The following DRC9 variants were observed in gnomAD, a reference collection of about 807,000 sequenced individuals.
DRC9 encodes dynein regulatory complex protein 9.
the DRC9 span, among the ~76,000 whole-genome samples, chr3:197,939,430 C>G: frequency 6.6e-6 from 1 of 152,102 alleles, no homozygotes; most frequent in Non-Finnish European, 1.5e-5. Context: ...ATTAAGGGAC[C>G]GCAGGAACGG....
chr3:197,950,267 G>A, the DRC9 span: 1 of 1,230,438 alleles, frequency 8.1e-7, no homozygotes, highest in Non-Finnish European at 1.0e-6. Context: ...AATAACCGGA[G>A]TAGGTTTGTT....
the DRC9 span, among the ~76,000 whole-genome samples, chr3:197,947,928 CT>C: frequency 0.027 from 2,573 of 96,788 alleles, 6 homozygotes; most frequent in African/African-American, 0.041. Flanking sequence ...CCTGCTTTAC[CT>C]TTTTTTTTTT....
At chr3:197,958,466 T>C in the DRC9 span, 2 of 152,194 alleles carry the variant, frequency 1.3e-5, no homozygotes, top group East Asian at 1.9e-4. Context: ...ATTTACAAAG[T>C]TGGGGAATCA....
the DRC9 span, chr3:197,892,694 A>G: frequency 6.2e-7 from 1 of 1,613,976 alleles, no homozygotes; most frequent in African/African-American, 1.3e-5. Flanking sequence ...CATTTAGTTC[A>G]TTCTGTTTCA....
the DRC9 span, chr3:197,950,138 G>A: frequency 8.1e-7 from 1 of 1,231,774 alleles, no homozygotes; most frequent in Non-Finnish European, 1.0e-6. Flanking sequence ...CTAAATTGAG[G>A]GCGGAGTCGA....
the DRC9 span, chr3:197,945,829 C>T: frequency 1.8e-6 from 1 of 544,526 alleles, no homozygotes; most frequent in East Asian, 3.1e-5. Context: ...GGAGCAGTCC[C>T]AGAGGCGAAA....
the DRC9 span, chr3:197,953,907 G>T: frequency 4.0e-6 from 5 of 1,236,730 alleles, 1 homozygote; most frequent in Non-Finnish European, 5.9e-6. Context: ...GATGAAGTGG[G>T]TAACCAGGGT....
chr3:197,915,954 G>C, the DRC9 span, among the ~76,000 whole-genome samples: 1 of 151,828 alleles, frequency 6.6e-6, no homozygotes, highest in Non-Finnish European at 1.5e-5. Flanking sequence ...TCTTAACCAT[G>C]TAAGTAGGGT....
chr3:197,918,368 T>C, the DRC9 span, among the ~76,000 whole-genome samples: 1 of 150,058 alleles, frequency 6.7e-6, no homozygotes, highest in Non-Finnish European at 1.5e-5. Context: ...CCTCCCAATG[T>C]GCTGGGATTA....
chr3:197,944,458 A>ATT, the DRC9 span, among the ~76,000 whole-genome samples: 276 of 143,826 alleles, frequency 1.9e-3, no homozygotes, highest in African/African-American at 7.2e-3. Context: ...ATTTTATTTT[A>ATT]TTTTTTTTGA....
the DRC9 span, chr3:197,892,748 C>G: frequency 6.2e-7 from 1 of 1,614,142 alleles, no homozygotes. Flanking sequence ...ACTCCAGCCT[C>G]TCCTCAAGTT....
chr3:197,957,600 A>G, the DRC9 span: 647 of 152,256 alleles, frequency 4.2e-3, 3 homozygotes, highest in Non-Finnish European at 7.5e-3. Flanking sequence ...TTTTAAGGCA[A>G]ACAAAGTGCA....
chr3:197,913,545 C>T, the DRC9 span: 1 of 444,318 alleles, frequency 2.3e-6, no homozygotes, highest in South Asian at 2.5e-5. Flanking sequence ...CAGCAAAATC[C>T]TGCCATAACT....
chr3:197,898,321 T>G, the DRC9 span, among the ~76,000 whole-genome samples: 1 of 152,256 alleles, frequency 6.6e-6, no homozygotes, highest in South Asian at 2.1e-4. Flanking sequence ...TATCAGATCC[T>G]GTAAATTACA....
the DRC9 span, chr3:197,954,288 T>G: frequency 2.5e-6 from 2 of 815,984 alleles, no homozygotes; most frequent in East Asian, 2.7e-5. Context: ...TGCAGAACAC[T>G]GGAGAGATAG....
the DRC9 span, chr3:197,912,671 C>A: frequency 1.2e-6 from 2 of 1,611,840 alleles, no homozygotes; most frequent in Non-Finnish European, 1.7e-6. Flanking sequence ...CTGTGGGGAC[C>A]CACCTGCTGC....
chr3:197,950,311 A>C, the DRC9 span: 1 of 1,229,422 alleles, frequency 8.1e-7, no homozygotes, highest in South Asian at 4.2e-5. Flanking sequence ...TGCGTATCGG[A>C]GTCTCTGCCA....
At chr3:197,949,313 G>A in the DRC9 span, 1 of 152,082 alleles carries the variant, frequency 6.6e-6, no homozygotes, top group Non-Finnish European at 1.5e-5. Flanking sequence ...GCAATAATTC[G>A]GAAATGTGAA....
the DRC9 span, among the ~76,000 whole-genome samples, chr3:197,945,455 C>A: frequency 6.6e-6 from 1 of 152,128 alleles, no homozygotes; most frequent in Admixed American, 6.5e-5. Flanking sequence ...CTGCTCCTAA[C>A]CTTGGGACCC....
Sources: allele counts gnomAD v4.1 joint callset (sites outside exome capture counted in the v4.1 genomes callset), GRCh38; gene constraint gnomAD v4.1.1; transcripts MANE v1.5; gene names NCBI Gene and HGNC (gene_info 2026-07-23, HGNC 2026-07-21).